The following WWOX variants were observed in gnomAD, a reference collection of about 807,000 sequenced individuals.
WWOX encodes WW domain-containing oxidoreductase.
In WWOX, 69 loss-of-function variants were observed where a neutral mutation model predicts 46.2. The observed-to-expected ratio is 1.49, with a 90% CI of 1.23 to 1.82. WWOX has a LOEUF of 1.82. Ranked by LOEUF, WWOX falls within the 40% of genes most tolerant of loss-of-function variation. The pLI, the probability that WWOX is intolerant of heterozygous loss-of-function variation, is 0.00. For synonymous variants in WWOX, 359 were observed against 202.6 expected, an observed-to-expected ratio of 1.77 and a Z score of -6.56; for missense variants, 919 against 542.6, an observed-to-expected ratio of 1.69 and a Z score of -6.89.
At chr16:78,853,492 C>A (rs1002917092) in intron 8 of WWOX, among the ~76,000 whole-genome samples, 1 of 152,150 alleles carries the variant, frequency 6.6e-6, no homozygotes, top group African/African-American at 2.4e-5. Flanking sequence ...ATCCAGAAAT[C>A]CAGTTTCAGC....
chr16:78,332,001 A>G (rs758318858), intron 5 of WWOX, among the ~76,000 whole-genome samples: 3 of 152,178 alleles, frequency 2.0e-5, no homozygotes, highest in Non-Finnish European at 4.4e-5. Context: ...ATCAGAGCCG[A>G]GGAAGGTCAA....
At chr16:78,285,904 C>G (rs72790071) in intron 5 of WWOX, among the ~76,000 whole-genome samples, 9,013 of 152,204 alleles carry the variant, frequency 0.059, 495 homozygotes, top group East Asian at 0.18. Context: ...AAGCCAGCCT[C>G]TTTATTACTT....
intron 8 of WWOX, among the ~76,000 whole-genome samples, chr16:78,874,806 T>A (rs2151207059): frequency 6.9e-6 from 1 of 145,098 alleles, no homozygotes. Context: ...TACATAGGAG[T>A]ATATTTGGCC....
At chr16:78,483,618 T>G (rs901187933) in intron 8 of WWOX, among the ~76,000 whole-genome samples, 1 of 152,232 alleles carries the variant, frequency 6.6e-6, no homozygotes, top group South Asian at 2.1e-4. Context: ...CTTCACATAC[T>G]TATACTGTGG....
intron 8 of WWOX, among the ~76,000 whole-genome samples, chr16:78,530,858 A>G (rs984917543): frequency 6.6e-6 from 1 of 152,160 alleles, no homozygotes; most frequent in African/African-American, 2.4e-5. Flanking sequence ...GAGTGTGGAT[A>G]ATAATCCAGG....
intron 4 of WWOX, among the ~76,000 whole-genome samples, chr16:78,147,464 C>G (rs1416680648): frequency 6.6e-6 from 1 of 152,060 alleles, no homozygotes; most frequent in Admixed American, 6.6e-5. Flanking sequence ...TAAAAAGTTA[C>G]TAGCGATGGA....
chr16:78,146,226 G>T lies in WWOX; in HGVS notation c.410-17957G>T, dbSNP rs116357326. 2.2e-3 allele frequency among the ~76,000 whole-genome samples: 328 copies of T among 152,256 alleles called. 3 individuals carry two copies. Among genetic ancestry groups the T allele is most frequent in the African/African-American group, 7.6e-3 (314 of 41,542 alleles). On this transcript the variant is annotated intron_variant, in intron 4 of 8. Transcript: ENST00000566780. ...GTGCTTAGGCTCCCGCTGCTGACAA[G>T]ACCCTCTGCCTGGCAAGCCGTGCAG...
At chr16:78,382,881 C>G (rs1298854086) in intron 5 of WWOX, among the ~76,000 whole-genome samples, 1 of 151,918 alleles carries the variant, frequency 6.6e-6, no homozygotes, top group Non-Finnish European at 1.5e-5. Flanking sequence ...ATACCTGAGA[C>G]TGTGTAATTT....
chr16:79,115,935 C>T (rs1000884308), intron 8 of WWOX, among the ~76,000 whole-genome samples: 6 of 152,100 alleles, frequency 3.9e-5, no homozygotes, highest in Admixed American at 1.3e-4. Flanking sequence ...TTGCAGATCC[C>T]GTTCCAGACC....
chr16:78,430,993 A>G (rs2083204443), intron 7 of WWOX, among the ~76,000 whole-genome samples: 1 of 152,106 alleles, frequency 6.6e-6, no homozygotes, highest in East Asian at 1.9e-4. Context: ...GATTCCCATT[A>G]TGCTTCTTCA....
intron 8 of WWOX, among the ~76,000 whole-genome samples, chr16:78,561,732 C>G (rs921446225): frequency 2.0e-5 from 3 of 152,118 alleles, no homozygotes; most frequent in Admixed American, 1.3e-4. Flanking sequence ...TATAGGGAAT[C>G]AGAGGTTTTA....
intron 8 of WWOX, among the ~76,000 whole-genome samples, chr16:78,603,020 T>C (rs2045660352): frequency 6.6e-6 from 1 of 152,236 alleles, no homozygotes; most frequent in African/African-American, 2.4e-5. Flanking sequence ...CTTGCCAGTA[T>C]CTAGCGTGTT....
rs542759290 is a variant in WWOX, at chr16:79,186,287, C to G, written c.1057-25321C>G. On this transcript the variant is annotated intron_variant, in intron 8 of 8. Transcript: ENST00000566780. ...GCTTCAAACAACAGGAATATTATCT[C>G]ACAGTCCTAGAAGCCAGACGTCTGA... Among the ~76,000 whole-genome samples the G allele has an allele frequency of 2.0e-4, 31 of 152,322 alleles. No individual in the cohort carries two copies. In the South Asian group the frequency reaches 6.2e-3, roughly 31 times the overall value.
intron 8 of WWOX, among the ~76,000 whole-genome samples, chr16:78,845,716 C>G (rs914220849): frequency 1.3e-5 from 2 of 152,144 alleles, no homozygotes; most frequent in Non-Finnish European, 2.9e-5. Context: ...CTTCCAGACA[C>G]TCATTTTAAG....
chr16:79,130,804 T>A (rs1420559252), intron 8 of WWOX, among the ~76,000 whole-genome samples: 2 of 152,292 alleles, frequency 1.3e-5, no homozygotes, highest in African/African-American at 4.8e-5. Context: ...GTACATATGC[T>A]CCCCAGCAGT....
At chr16:78,729,040 A>G (rs967968722) in intron 8 of WWOX, among the ~76,000 whole-genome samples, 6 of 152,236 alleles carry the variant, frequency 3.9e-5, no homozygotes, top group African/African-American at 1.2e-4. Flanking sequence ...CGCCCCACCA[A>G]AGATATCCCT....
At chr16:78,862,228 G>A (rs1271990752) in intron 8 of WWOX, among the ~76,000 whole-genome samples, 2 of 138,648 alleles carry the variant, frequency 1.4e-5, no homozygotes, top group Admixed American at 7.3e-5. Context: ...GTGTCTGTCT[G>A]TATCTATACA....
intron 8 of WWOX, among the ~76,000 whole-genome samples, chr16:78,880,196 A>G (rs2044315052): frequency 6.6e-6 from 1 of 152,182 alleles, no homozygotes; most frequent in Non-Finnish European, 1.5e-5. Context: ...GTACCAAACG[A>G]AGATATCTTT....
At chr16:78,794,864 C>G (rs1266489678) in intron 8 of WWOX, among the ~76,000 whole-genome samples, 1 of 152,228 alleles carries the variant, frequency 6.6e-6, no homozygotes, top group African/African-American at 2.4e-5. Flanking sequence ...ACCTGTCTGA[C>G]TTTGACTGGG....
Sources: allele counts gnomAD v4.1 joint callset (sites outside exome capture counted in the v4.1 genomes callset), GRCh38; gene constraint gnomAD v4.1.1; transcripts MANE v1.5; gene names NCBI Gene and HGNC (gene_info 2026-07-23, HGNC 2026-07-21).